The following STOX2 variants were observed in gnomAD, a reference collection of about 807,000 sequenced individuals.
STOX2 encodes storkhead box 2.
STOX2 carries 28 observed loss-of-function variants against 60.9 expected under a neutral mutation model. That is an observed-to-expected ratio of 0.46 (90% CI 0.34 to 0.63). The LOEUF is 0.63. STOX2 is among the 30% of genes least tolerant of loss of function. The pLI, the probability that STOX2 is intolerant of heterozygous loss-of-function variation, is 0.01. For synonymous variants in STOX2, 472 were observed against 463.9 expected, an observed-to-expected ratio of 1.02 and a Z score of -0.22; for missense variants, 1,024 against 1,187.7, an observed-to-expected ratio of 0.86 and a Z score of 2.03.
intron 1 of STOX2, among the ~76,000 whole-genome samples, chr4:183,927,947 C>T (rs2309943): frequency 0.38 from 57,093 of 152,072 alleles, 13,089 homozygotes; most frequent in Non-Finnish European, 0.51. Context: ...TGGCTCTGCG[C>T]CCCTCCTTGC....
At chr4:183,841,690 A>G (rs1739866603) in intron 1 of STOX2, among the ~76,000 whole-genome samples, 1 of 152,092 alleles carries the variant, frequency 6.6e-6, no homozygotes, top group African/African-American at 2.4e-5. Flanking sequence ...TAGAGACAGA[A>G]AAAAATACAC....
intron 1 of STOX2, among the ~76,000 whole-genome samples, chr4:183,820,758 G>A (rs1271876263): frequency 6.6e-6 from 1 of 152,084 alleles, no homozygotes; most frequent in East Asian, 1.9e-4. Flanking sequence ...TCCCCATTAT[G>A]GTTTTTGAGA....
chr4:183,875,664 G>A (rs1381582364), intron 1 of STOX2, among the ~76,000 whole-genome samples: 1 of 152,174 alleles, frequency 6.6e-6, no homozygotes, highest in East Asian at 1.9e-4. Flanking sequence ...GGAAGAGGAG[G>A]GTATACTTAA....
rs1345014124 is a variant in STOX2, at chr4:183,906,881, GAGA to G, written c.94_96del (p.Lys32del). Reference sequence around the variant, plus strand: ...CTCGGACCGCATGAGGTCCCGCAGCGAGAAGGACTACCGCCTGCACAAGCGTTT... The same window carrying G: ...CTCGGACCGCATGAGGTCCCGCAGCGAGGACTACCGCCTGCACAAGCGTTT... On this transcript the variant is annotated inframe_deletion, in exon 1 of 4. Transcript: ENST00000308497. The G allele has an allele frequency of 1.3e-6, 2 of 1,551,084 alleles. No homozygotes were observed. Among genetic ancestry groups the G allele is most frequent in the East Asian group, 2.4e-5 (1 of 40,852 alleles).
At chr4:183,961,356 T>TTGCTGCTGCTGCTGCTGC (rs755147300) in intron 1 of STOX2, among the ~76,000 whole-genome samples, 28 of 151,710 alleles carry the variant, frequency 1.8e-4, no homozygotes, top group African/African-American at 6.8e-4. Flanking sequence ...CAAGTGATGG[T>TTGCTGCTGCTGCTGCTGC]TGCTGCTGCT....
In STOX2 at chr4:183,990,578, A is replaced by AT. The variant is rs57369052; in HGVS notation, c.167-10710dup. On this transcript the variant is annotated intron_variant, in intron 1 of 3. Transcript: ENST00000308497. The stretch of plus-strand genomic sequence containing the variant: ...GAAGAGGGGCAGTTTAAAAAGCAGG[A>AT]TTTTTTTTTTTTTTTTTTTTTTTTT... Among the ~76,000 whole-genome samples, 339 of 82,458 alleles carry AT rather than the reference A, an allele frequency of 4.1e-3. 40 individuals are homozygous for AT. Among genetic ancestry groups the AT allele is most frequent in the African/African-American group, 9.6e-3 (154 of 16,076 alleles). 54.1% of individuals were successfully genotyped at this position (82,458 alleles called of 152,430 possible).
At chr4:183,918,362 A>G (rs1189152396) in intron 1 of STOX2, among the ~76,000 whole-genome samples, 7 of 152,238 alleles carry the variant, frequency 4.6e-5, no homozygotes, top group African/African-American at 1.2e-4. Context: ...CCCGTGGAAT[A>G]TAACTCTAGG....
intron 1 of STOX2, among the ~76,000 whole-genome samples, chr4:183,864,256 T>TA (rs766843407): frequency 3.9e-5 from 6 of 152,218 alleles, no homozygotes; most frequent in Non-Finnish European, 8.8e-5. Context: ...TTTCCAGACT[T>TA]ATTTAACTCC....
intron 1 of STOX2, among the ~76,000 whole-genome samples, chr4:183,823,309 T>C (rs1367612734): frequency 2.0e-5 from 3 of 152,066 alleles, no homozygotes; most frequent in Non-Finnish European, 4.4e-5. Flanking sequence ...GGCAGGGGAA[T>C]CACTTGAACC....
At chr4:183,800,781 G>T (rs938433454) in intron 1 of STOX2, among the ~76,000 whole-genome samples, 3 of 152,204 alleles carry the variant, frequency 2.0e-5, no homozygotes, top group Non-Finnish European at 4.4e-5. Context: ...CCACCATAGA[G>T]AGTGGTAATA....
At chr4:183,961,275 C>T (rs186427744) in intron 1 of STOX2, among the ~76,000 whole-genome samples, 3 of 152,260 alleles carry the variant, frequency 2.0e-5, no homozygotes, top group Admixed American at 1.3e-4. Context: ...AATGTATTTA[C>T]CCCTCAAACA....
At chr4:183,840,938 G>A (rs1025244878) in intron 1 of STOX2, among the ~76,000 whole-genome samples, 1 of 152,166 alleles carries the variant, frequency 6.6e-6, no homozygotes, top group Non-Finnish European at 1.5e-5. Context: ...CGGGATCTCA[G>A]CTCGCTGCAA....
chr4:183,879,180 G>A lies in STOX2; in HGVS notation c.364+81125G>A, dbSNP rs1460745476. Among the ~76,000 whole-genome samples, 3 of 152,110 alleles carry A rather than the reference G, an allele frequency of 2.0e-5. No individual in the cohort carries two copies. The East Asian group carries it at 5.8e-4, about 29-fold the overall frequency. ...GGAGTTGGTGAGAATTATGTGTAGAGACCCCAGGCAGCCTCAGGCCAGCCT... is the reference window on the plus strand; with the variant it reads ...GGAGTTGGTGAGAATTATGTGTAGAAACCCCAGGCAGCCTCAGGCCAGCCT... On this transcript the variant is annotated intron_variant, in intron 1 of 2. Transcript: ENST00000513034.
intron 3 of STOX2, chr4:184,015,268 C>T (rs1377186935): frequency 6.6e-6 from 1 of 152,218 alleles, no homozygotes; most frequent in East Asian, 1.9e-4. Flanking sequence ...CCTGACCCTC[C>T]TCTTCCTCCA....
Position 183,836,641 on chromosome 4 carries a change from G to A in STOX2, c.364+38586G>A, listed in dbSNP as rs1371911140. ...GTGCAGTCTTCCATGTCCTGGGAAG[G>A]GGTGACCTGGTATTAGTGAGCATCA... On this transcript the variant is annotated intron_variant, in intron 1 of 2. Coordinates refer to the STOX2 transcript ENST00000513034. The surrounding 1 kb of genome is among the most constrained non-coding windows in gnomAD (Gnocchi z 4.1). Among the ~76,000 whole-genome samples, 1 of 152,158 alleles carries A rather than the reference G, an allele frequency of 6.6e-6. No homozygotes were observed. Among genetic ancestry groups the A allele is most frequent in the East Asian group, 1.9e-4 (1 of 5,196 alleles).
chr4:183,825,458 C>T lies in STOX2; in HGVS notation c.364+27403C>T, dbSNP rs541703398. On this transcript the variant is annotated intron_variant, in intron 1 of 2. Transcript: ENST00000513034. The surrounding 1 kb of genome is among the most constrained non-coding windows in gnomAD (Gnocchi z 4.1). The stretch of plus-strand genomic sequence containing the variant: ...GTGTCATCTCCTAGCATCCCTGGAC[C>T]GCAAAACAGGCTTGCACTGGGTGGC... 9.2e-5 allele frequency among the ~76,000 whole-genome samples: 14 copies of T among 152,272 alleles called. No individual in the cohort carries two copies. Among genetic ancestry groups the T allele is most frequent in the East Asian group, 3.9e-4 (2 of 5,170 alleles).
chr4:183,847,503 C>A (rs1324276372), intron 1 of STOX2, among the ~76,000 whole-genome samples: 2 of 152,122 alleles, frequency 1.3e-5, no homozygotes, highest in African/African-American at 2.4e-5. Context: ...GAACATATTG[C>A]CTTTTCTATC....
intron 1 of STOX2, among the ~76,000 whole-genome samples, chr4:183,897,119 T>C (rs1457405827): frequency 6.6e-6 from 1 of 152,176 alleles, no homozygotes; most frequent in Non-Finnish European, 1.5e-5. Flanking sequence ...ATCTAAAGAC[T>C]CACTTCATGA....
intron 1 of STOX2, among the ~76,000 whole-genome samples, chr4:183,837,227 TAA>T (rs1399389003): frequency 6.6e-6 from 1 of 152,178 alleles, no homozygotes; most frequent in Non-Finnish European, 1.5e-5. Flanking sequence ...ATAGATCATT[TAA>T]ATCATTCATA....
Sources: gnomAD v4.1 joint callset for allele counts (sites outside exome capture counted in the v4.1 genomes callset) on GRCh38, gnomAD v4.1.1 for gene constraint, Gnocchi (gnomAD v3.1) non-coding constraint, MANE v1.5 for transcripts, NCBI Gene and HGNC (gene_info 2026-07-23, HGNC 2026-07-21) for gene names.